Variants in PIWIL1 observed in about 807,000 individuals in gnomAD.
PIWIL1 encodes piwi like RNA-mediated gene silencing 1.
In PIWIL1, 73 loss-of-function variants were observed where a neutral mutation model predicts 114.4. The observed-to-expected ratio is 0.64, with a 90% CI of 0.53 to 0.78. PIWIL1 has a LOEUF of 0.78. Ranked by LOEUF, PIWIL1 falls within the 30% of genes least tolerant of loss-of-function variation. The pLI, the probability that PIWIL1 is intolerant of heterozygous loss-of-function variation, is 0.00. For missense variants in PIWIL1, 723 were observed against 1,063.1 expected (o/e 0.68, Z 4.45); for synonymous variants, 375 against 369.0 (o/e 1.02, Z -0.19).
chr12:130,351,627 T>C (rs1325685588), intron 9 of PIWIL1: 3 of 152,216 alleles, frequency 2.0e-5, no homozygotes, highest in African/African-American at 7.2e-5. Context: ...ACCCCATGCC[T>C]AAGTAGGTTC....
chr12:130,375,093 C>T (rs188744069), downstream of PIWIL1, among the ~76,000 whole-genome samples: 19 of 152,238 alleles, frequency 1.2e-4, no homozygotes, highest in African/African-American at 4.6e-4. Context: ...GTCAGCCGCT[C>T]CCCCTCCCTT....
At chr12:130,354,838 AC>A in intron 10 of PIWIL1, 49 bp from the exon 11 acceptor site, 6 of 1,446,972 alleles carry the variant, frequency 4.1e-6, no homozygotes, top group Non-Finnish European at 5.8e-6. Context: ...AGTTATTTAG[AC>A]CTGATTATTA....
chr12:130,348,673 C>T (rs1221171078), intron 7 of PIWIL1, among the ~76,000 whole-genome samples: 1 of 152,180 alleles, frequency 6.6e-6, no homozygotes, highest in South Asian at 2.1e-4. Flanking sequence ...GAGTCCAAGG[C>T]GGGTGGATCA....
the PIWIL1 span, among the ~76,000 whole-genome samples, chr12:130,422,031 G>A: frequency 6.6e-6 from 1 of 152,194 alleles, no homozygotes; most frequent in East Asian, 1.9e-4. The surrounding 1 kb of genome is among the most constrained non-coding windows in gnomAD (Gnocchi z 5.2). Context: ...TAGCTCTGCT[G>A]CCAGCGTGTC....
chr12:130,346,944 A>G lies in PIWIL1; in HGVS notation c.535A>G (p.Thr179Ala). The change falls in exon 6 of 21, where the codon ACT becomes GCT. Residue 179 changes from threonine to alanine, a missense_variant. By Grantham distance (58) the Thr-to-Ala change is moderately conservative (BLOSUM62 0). Transcript: ENST00000245255. ...TTTTCCACCTCTCTGGCTTCAGGTT[A>G]CTGAAGTTTTTAGTAAGACCCGGAA... ...FLPKRLQQKVTEVFSKTRNGE... is the reference protein window; with the variant it reads ...FLPKRLQQKVAEVFSKTRNGE... The G allele has an allele frequency of 6.2e-7, 1 of 1,611,722 alleles. No individual in the cohort carries two copies. Among genetic ancestry groups the G allele is most frequent in the Non-Finnish European group, 8.5e-7 (1 of 1,179,234 alleles).
the PIWIL1 span, chr12:130,419,451 AGACCGACT>A: frequency 1.3e-5 from 2 of 152,280 alleles, no homozygotes; most frequent in African/African-American, 4.8e-5. The surrounding 1 kb of genome is among the most constrained non-coding windows in gnomAD (Gnocchi z 4.3). Context: ...TACCTGGCCC[AGACCGACT>A]GCCCTCACTG....
intron 9 of PIWIL1, among the ~76,000 whole-genome samples, chr12:130,353,029 T>A (rs2073256014): frequency 1.3e-5 from 2 of 152,198 alleles, no homozygotes; most frequent in African/African-American, 4.8e-5. Context: ...TCACGAGGGC[T>A]TGTAGTAGGT....
intron 13 of PIWIL1, among the ~76,000 whole-genome samples, 178 bp from the exon 14 acceptor site, chr12:130,357,303 G>C (rs1296661485): frequency 1.3e-5 from 2 of 152,048 alleles, no homozygotes; most frequent in Non-Finnish European, 2.9e-5. Flanking sequence ...TCTGAAACCT[G>C]CGTGCTTAAA....
chr12:130,416,775 AC>A, the PIWIL1 span, among the ~76,000 whole-genome samples: 1 of 152,196 alleles, frequency 6.6e-6, no homozygotes, highest in Non-Finnish European at 1.5e-5. Context: ...AACAGAGTGA[AC>A]AACACCCTAC....
chr12:130,415,344 C>T, the PIWIL1 span, among the ~76,000 whole-genome samples: 1 of 152,038 alleles, frequency 6.6e-6, no homozygotes, highest in Non-Finnish European at 1.5e-5. Context: ...CAATAAAATC[C>T]AACATCCCTT....
the PIWIL1 span, among the ~76,000 whole-genome samples, chr12:130,400,464 C>G: frequency 1.1e-4 from 16 of 152,174 alleles, no homozygotes; most frequent in African/African-American, 3.9e-4. Context: ...AGTCGAGATC[C>G]ATGAGTCCAT....
At chr12:130,375,951 G>A (rs1210023202), downstream of PIWIL1, among the ~76,000 whole-genome samples, 3 of 152,154 alleles carry the variant, frequency 2.0e-5, no homozygotes, top group Non-Finnish European at 2.9e-5. Flanking sequence ...ACACCTGACT[G>A]TTCCTTCTCA....
At chr12:130,377,684 TA>T in the PIWIL1 span, among the ~76,000 whole-genome samples, 1 of 152,228 alleles carries the variant, frequency 6.6e-6, no homozygotes, top group Non-Finnish European at 1.5e-5. Context: ...CCATGTGGCA[TA>T]AATGCAATGC....
chr12:130,424,635 G>A, the PIWIL1 span: 2 of 1,231,822 alleles, frequency 1.6e-6, no homozygotes, highest in Non-Finnish European at 2.0e-6. This position sits in a 1 kb window ranked among gnomAD's most constrained non-coding sequence, Gnocchi z 9.8. Context: ...GGAGCCCCGA[G>A]GGGCCTCGTC....
the PIWIL1 span, among the ~76,000 whole-genome samples, chr12:130,403,983 AAT>A: frequency 6.6e-6 from 1 of 152,220 alleles, no homozygotes; most frequent in African/African-American, 2.4e-5. Context: ...TAACATGTAA[AAT>A]ATGAGTGGTA....
the PIWIL1 span, chr12:130,399,057 GC>G: frequency 0.04 from 35,973 of 909,660 alleles, 1,037 homozygotes; most frequent in South Asian, 0.1. Context: ...TACCACACTG[GC>G]CCGGTTAAGG....
At chr12:130,424,585 G>C in the PIWIL1 span, 7 of 1,231,862 alleles carry the variant, frequency 5.7e-6, no homozygotes, top group East Asian at 1.9e-4. This position sits in a 1 kb window ranked among gnomAD's most constrained non-coding sequence, Gnocchi z 9.8. Flanking sequence ...TCCTCCACGT[G>C]GGGGACGGCC....
intron 14 of PIWIL1, 146 bp from the exon 15 acceptor site, chr12:130,361,034 T>C: frequency 1.5e-6 from 1 of 661,180 alleles, no homozygotes; most frequent in Non-Finnish European, 2.6e-6. Flanking sequence ...GTCCTACTGA[T>C]TAGCTGTGTG....
chr12:130,424,410 G>A, the PIWIL1 span: 219 of 1,232,692 alleles, frequency 1.8e-4, no homozygotes, highest in African/African-American at 2.0e-4. The surrounding 1 kb of genome is among the most constrained non-coding windows in gnomAD (Gnocchi z 9.8). Context: ...CAGCGGCCTC[G>A]GGCCCCTCCT....
Sources: gnomAD v4.1 joint callset for allele counts (sites outside exome capture counted in the v4.1 genomes callset) on GRCh38, gnomAD v4.1.1 for gene constraint, Gnocchi (gnomAD v3.1) non-coding constraint, MANE v1.5 for transcripts, NCBI Gene and HGNC (gene_info 2026-07-23, HGNC 2026-07-21) for gene names.